ZFHX3: variants seen among roughly 807,000 people sequenced by gnomAD.
The protein encoded by ZFHX3 is zinc finger homeobox 3, also known as zinc finger homeobox protein 3.
A neutral mutation model predicts 279.1 loss-of-function variants in ZFHX3; 42 were observed. The ratio of observed to expected loss-of-function variants is 0.15; its 90% CI spans 0.12 to 0.19. The LOEUF is 0.19. Among genes scored for constraint, ZFHX3 ranks in the 10% least tolerant of loss-of-function variants. ZFHX3 has a pLI of 1.00. For missense variants in ZFHX3, 4,981 were observed against 4,754.0 expected (o/e 1.05, Z -1.40); for synonymous variants, 2,293 against 1,957.8 (o/e 1.17, Z -4.52).
In ZFHX3 at chr16:73,339,064, T is replaced by C. The variant is rs192612282; in HGVS notation, c.-1290-20728A>G. ...GCTTCATGTACAGCCTGCAGAACTG[T>C]GAGCCAATTAAACTTCTTTTCTTTT... is the stretch of plus-strand genomic sequence containing the variant. On this transcript the variant is annotated intron_variant, in intron 3 of 17. Transcript: ENST00000641206. Among the ~76,000 whole-genome samples, 132 of 152,350 alleles carry C rather than the reference T, an allele frequency of 8.7e-4. 1 individual carries two copies. The highest frequency in any genetic ancestry group is 1.7e-3 in the Non-Finnish European group (113 of 68,042).
At chr16:72,854,669 T>C (rs563440242) in intron 4 of ZFHX3, among the ~76,000 whole-genome samples, 11 of 152,180 alleles carry the variant, frequency 7.2e-5, no homozygotes, top group African/African-American at 2.4e-4. Flanking sequence ...TATAGCAAGA[T>C]TGGATAGGCC....
chr16:72,983,496 T>C (rs1190511563), intron 1 of ZFHX3, among the ~76,000 whole-genome samples: 1 of 152,168 alleles, frequency 6.6e-6, no homozygotes, highest in African/African-American at 2.4e-5. Context: ...CACTTGAGCC[T>C]GGCAGTTCGA....
rs1219563381 is a variant in ZFHX3 at position 73,113,693 on chromosome 16, T to TGG, written c.-897+17273_-897+17274dup. ...GGAATTAAACACGGATGGCGGGTCTTGGTTCCTACTAATGGGGTATGATGC... is the reference window on the plus strand; with the variant it reads ...GGAATTAAACACGGATGGCGGGTCTTGGGGTTCCTACTAATGGGGTATGATGC... On this transcript the variant is annotated intron_variant, in intron 7 of 17. Coordinates refer to the ZFHX3 transcript ENST00000641206. Among the ~76,000 whole-genome samples the TGG allele has an allele frequency of 3.9e-5, 6 of 152,110 alleles. No homozygotes were observed. The East Asian group carries it at 1.2e-3, about 29-fold the overall frequency.
At chr16:73,791,662 T>C (rs1165517771) in intron 1 of ZFHX3, among the ~76,000 whole-genome samples, 3 of 150,608 alleles carry the variant, frequency 2.0e-5, no homozygotes, top group Non-Finnish European at 3.0e-5. Context: ...TGACCTCGTG[T>C]TCCGTCCACC....
At chr16:73,284,090 G>A (rs1010357486) in intron 4 of ZFHX3, among the ~76,000 whole-genome samples, 3 of 152,064 alleles carry the variant, frequency 2.0e-5, no homozygotes, top group Admixed American at 6.6e-5. Context: ...GGGCCGAGGC[G>A]GGTGGATCAT....
At chr16:73,305,265 GTC>G (rs2015155380) in intron 4 of ZFHX3, among the ~76,000 whole-genome samples, 1 of 152,168 alleles carries the variant, frequency 6.6e-6, no homozygotes, top group Admixed American at 6.5e-5. Flanking sequence ...GGAGGAAGGG[GTC>G]TCTTACTAGG....
rs749388798 is a variant in ZFHX3, at chr16:72,811,990, G to C, written c.3578C>G (p.Ser1193Cys). ...EKELTDSPAT[S>C]KRISFPGSSE... ...GCTACCTGGGAAGGAGATGCGTTTG[G>C]AGGTTGCAGGAGAATCTGTCAGCTC... The change falls in exon 6 of 10, where the codon TCC becomes TGC. Residue 1193 changes from serine to cysteine, a missense_variant. This residue lies in a region of ZFHX3 where 1,751 missense variants were observed against 1,770.0 expected (regional missense o/e 0.99). Transcript: ENST00000268489. The C allele has an allele frequency of 6.2e-7, 1 of 1,614,168 alleles. No individual in the cohort carries two copies. The highest frequency in any genetic ancestry group is 1.1e-5 in the South Asian group (1 of 91,082).
intron 2 of ZFHX3, among the ~76,000 whole-genome samples, chr16:73,517,046 C>A (rs550923981): frequency 6.6e-6 from 1 of 150,442 alleles, no homozygotes; most frequent in Admixed American, 6.7e-5. Context: ...CTGCTAGCAC[C>A]CTCGTTGAAG....
At chr16:73,181,475 T>A (rs976979907) in intron 5 of ZFHX3, among the ~76,000 whole-genome samples, 3 of 152,082 alleles carry the variant, frequency 2.0e-5, no homozygotes, top group Non-Finnish European at 2.9e-5. Context: ...AACCACTGTA[T>A]CCTGATAAAG....
At chr16:73,478,250 G>A (rs186993620) in intron 2 of ZFHX3, among the ~76,000 whole-genome samples, 22 of 140,298 alleles carry the variant, frequency 1.6e-4, no homozygotes, top group African/African-American at 5.7e-4. Context: ...TGGTGACAGA[G>A]CGAGACTCCA....
At chr16:73,074,841 C>T (rs1263087152) in intron 8 of ZFHX3, among the ~76,000 whole-genome samples, 1 of 152,084 alleles carries the variant, frequency 6.6e-6, no homozygotes, top group African/African-American at 2.4e-5. Context: ...GGTTCTGTCA[C>T]CTAGGCTGGA....
At chr16:73,581,213 T>C (rs2051857457) in intron 2 of ZFHX3, among the ~76,000 whole-genome samples, 1 of 151,874 alleles carries the variant, frequency 6.6e-6, no homozygotes, top group Non-Finnish European at 1.5e-5. Context: ...TGTATTATAA[T>C]ATAGGCAGAA....
chr16:73,154,345 A>G (rs1162085495), intron 5 of ZFHX3, among the ~76,000 whole-genome samples: 2 of 152,188 alleles, frequency 1.3e-5, no homozygotes, highest in Non-Finnish European at 2.9e-5. Flanking sequence ...CATGTCTCCC[A>G]TCTGTTTCCT....
chr16:73,321,114 G>A (rs1192746014), intron 3 of ZFHX3, among the ~76,000 whole-genome samples: 2 of 152,234 alleles, frequency 1.3e-5, no homozygotes, highest in South Asian at 4.1e-4. Context: ...AGGACAGAGA[G>A]CAAAGCCAAC....
chr16:73,427,090 A>G (rs1200536894), intron 3 of ZFHX3, among the ~76,000 whole-genome samples: 2 of 150,914 alleles, frequency 1.3e-5, no homozygotes, highest in Non-Finnish European at 3.0e-5. Flanking sequence ...AGGCAGCAAT[A>G]TTTAATTAAA....
intron 3 of ZFHX3, among the ~76,000 whole-genome samples, chr16:72,923,855 T>A (rs1033671460): frequency 6.6e-6 from 1 of 152,224 alleles, no homozygotes; most frequent in Admixed American, 6.5e-5. Flanking sequence ...CTACTTTGAA[T>A]TGCCTCGTCC....
chr16:73,735,456 T>C (rs1434647675), intron 1 of ZFHX3, among the ~76,000 whole-genome samples: 1 of 151,456 alleles, frequency 6.6e-6, no homozygotes, highest in Non-Finnish European at 1.5e-5. Flanking sequence ...TCATACTTTG[T>C]ATGAATATGA....
At chr16:73,349,422 T>G (rs1403356143) in intron 3 of ZFHX3, among the ~76,000 whole-genome samples, 1 of 152,198 alleles carries the variant, frequency 6.6e-6, no homozygotes, top group East Asian at 1.9e-4. Context: ...TTTAGTGTGC[T>G]CTCGTAGGAG....
intron 5 of ZFHX3, among the ~76,000 whole-genome samples, chr16:73,234,833 C>T (rs2012891638): frequency 6.6e-6 from 1 of 152,176 alleles, no homozygotes; most frequent in Non-Finnish European, 1.5e-5. Context: ...GGCCAATTGC[C>T]TCAGCCTTTG....
Sources: allele counts gnomAD v4.1 joint callset (sites outside exome capture counted in the v4.1 genomes callset), GRCh38; gene constraint gnomAD v4.1.1; regional missense constraint gnomAD v4.1.1; transcripts MANE v1.5; gene names NCBI Gene and HGNC (gene_info 2026-07-23, HGNC 2026-07-21).